Variants in EGFLAM observed in about 807,000 individuals in gnomAD.
EGFLAM encodes the protein pikachurin.
Under a neutral mutation model 113.1 loss-of-function variants are expected in EGFLAM, and 79 were observed. That is an observed-to-expected ratio of 0.70 (90% CI 0.58 to 0.84). EGFLAM has a LOEUF of 0.84. Ranked by LOEUF, EGFLAM falls within the 40% of genes least tolerant of loss-of-function variation. The pLI is 0.00. For missense variants in EGFLAM, 1,265 were observed against 1,291.6 expected (o/e 0.98, Z 0.32); for synonymous variants, 504 against 487.6 (o/e 1.03, Z -0.44).
intron 20 of EGFLAM, among the ~76,000 whole-genome samples, chr5:38,459,016 T>C (rs1464239684): frequency 6.6e-6 from 1 of 151,342 alleles, no homozygotes; most frequent in Admixed American, 6.6e-5. Context: ...CAGGCAATCC[T>C]CCCCCCTCCC....
intron 6 of EGFLAM, among the ~76,000 whole-genome samples, chr5:38,404,870 C>G (rs921517754): frequency 6.6e-5 from 10 of 152,166 alleles, no homozygotes; most frequent in Non-Finnish European, 1.5e-4. Context: ...GCTGCCACCT[C>G]CTGGTGGAGT....
intron 5 of EGFLAM, among the ~76,000 whole-genome samples, chr5:38,355,309 A>T (rs1248281118): frequency 6.6e-6 from 1 of 152,146 alleles, no homozygotes; most frequent in Non-Finnish European, 1.5e-5. Flanking sequence ...TCCTTTCAAC[A>T]TTGCTCCTGA....
chr5:38,284,471 C>G (rs1338178163), intron 1 of EGFLAM, among the ~76,000 whole-genome samples: 1 of 152,154 alleles, frequency 6.6e-6, no homozygotes, highest in Non-Finnish European at 1.5e-5. Flanking sequence ...TTCAATAAAA[C>G]TTTATTTATG....
At chr5:38,354,352 A>C (rs2111992979) in intron 5 of EGFLAM, among the ~76,000 whole-genome samples, 3 of 152,314 alleles carry the variant, frequency 2.0e-5, no homozygotes, top group Middle Eastern at 6.8e-3. Flanking sequence ...ACTTGGGGCA[A>C]AACTTAACAT....
intron 1 of EGFLAM, among the ~76,000 whole-genome samples, chr5:38,299,315 A>G (rs942212106): frequency 1.3e-5 from 2 of 152,216 alleles, no homozygotes; most frequent in Admixed American, 6.5e-5. Flanking sequence ...AAAAGTATCC[A>G]TGTATTATGT....
chr5:38,406,644 A>T (rs1579882155), intron 7 of EGFLAM, among the ~76,000 whole-genome samples, 184 bp from the exon 8 acceptor site: 1 of 152,246 alleles, frequency 6.6e-6, no homozygotes, highest in Non-Finnish European at 1.5e-5. Flanking sequence ...AAGGAAAAGC[A>T]CTATAAGTCC....
rs562041050 is a variant in EGFLAM at position 38,453,979 on chromosome 5, G to C, written c.2687+2521G>C. Among the ~76,000 whole-genome samples, 12 of 152,264 alleles carry C rather than the reference G, an allele frequency of 7.9e-5. 1 individual carries two copies. In the South Asian group the frequency reaches 2.1e-3, roughly 26 times the overall value. Reference sequence around the variant, plus strand: ...ACTTCTTGTTACCATTTCTTTCTCAGGATTCTGAAAATTGGCCCTCTGTTT... The same window carrying C: ...ACTTCTTGTTACCATTTCTTTCTCACGATTCTGAAAATTGGCCCTCTGTTT... On this transcript the variant is annotated intron_variant, in intron 19 of 21. Transcript: ENST00000322350.
chr5:38,258,687 C>A lies in EGFLAM; in HGVS notation c.-68C>A. 6.5e-7 allele frequency: 1 copy of A among 1,527,372 alleles called. No individual in the cohort carries two copies. The highest frequency in any genetic ancestry group is 8.9e-7 in the Non-Finnish European group (1 of 1,123,538). 94.6% of individuals were successfully genotyped at this position (1,527,372 alleles called of 1,614,324 possible). A position where few individuals can be genotyped will look rare whatever the true frequency, so the allele number is the denominator to read the frequency against. ...ATCCGTTGGGGCCGCGTCCCCCACG[C>A]GCCCCCGGAGACGCCCTTTCCGTGT... On this transcript the variant is annotated 5_prime_UTR_variant, in exon 1 of 22. Coordinates refer to ENST00000322350, the MANE Select transcript of EGFLAM (RefSeq NM_152403.4).
At chr5:38,448,756 A>T (rs1742808166) in intron 18 of EGFLAM, among the ~76,000 whole-genome samples, 1 of 152,210 alleles carries the variant, frequency 6.6e-6, no homozygotes, top group East Asian at 1.9e-4. Context: ...TGAGCAGGGC[A>T]GTTCCGTGCT....
Position 38,409,045 on chromosome 5 carries a change from C to T in EGFLAM, c.1290C>T (p.Asn430=), listed in dbSNP as rs16903964. ...GCTTACTGCTCTACTGTGGGGAGAA[C>T]GAACACGGGAGGGGGGATTTCATGT... The part of the protein sequence containing the change: ...EDGLLLYCGE[N]EHGRGDFMSL... Residue 430 remains asparagine (N), a synonymous_variant, in exon 10 of 22, where the codon AAC becomes AAT. Coordinates refer to ENST00000322350, the MANE Select transcript of EGFLAM (RefSeq NM_152403.4). 8.2e-3 allele frequency: 13,135 copies of T among 1,595,236 alleles called. 815 individuals are homozygous for T. The African/African-American group carries it at 0.14, about 18-fold the overall frequency.
intron 1 of EGFLAM, among the ~76,000 whole-genome samples, chr5:38,302,168 T>C (rs542580259): frequency 6.8e-6 from 1 of 146,188 alleles, no homozygotes; most frequent in East Asian, 2.0e-4. Flanking sequence ...ACTCAGGAGG[T>C]AGAGATTGCA....
intron 1 of EGFLAM, among the ~76,000 whole-genome samples, chr5:38,329,698 C>T (rs1461837304): frequency 6.6e-6 from 1 of 152,180 alleles, no homozygotes; most frequent in Non-Finnish European, 1.5e-5. Context: ...GCTCTCTCTG[C>T]CTGGGACCCT....
At chr5:38,445,482 T>C in intron 17 of EGFLAM, 1 of 1,454,510 alleles carries the variant, frequency 6.9e-7, no homozygotes, top group East Asian at 2.5e-5. Flanking sequence ...GTGCCAATCA[T>C]GCTGAGGAGA....
At chr5:38,314,594 G>GT (rs1738543260) in intron 1 of EGFLAM, among the ~76,000 whole-genome samples, 1 of 152,308 alleles carries the variant, frequency 6.6e-6, no homozygotes, top group African/African-American at 2.4e-5. Context: ...CAGGCATTGG[G>GT]TCCCCTGGAC....
In EGFLAM at chr5:38,359,392, A is replaced by G. The variant is rs567216097; in HGVS notation, c.545+7061A>G. Among the ~76,000 whole-genome samples the G allele has an allele frequency of 1.7e-4, 26 of 152,314 alleles. No individual in the cohort carries two copies. The South Asian group carries it at 5.2e-3, about 30-fold the overall frequency. ...GGCTGTTTTTAGTTAAAAGTCCACC[A>G]TTGGCCGCGCGCAGTGGCTCACGCC... On this transcript the variant is annotated intron_variant, in intron 5 of 21. Transcript: ENST00000322350.
chr5:38,284,073 T>A (rs1579724499), intron 1 of EGFLAM: 1 of 152,306 alleles, frequency 6.6e-6, no homozygotes, highest in Admixed American at 6.5e-5. Context: ...TCTGGAATGA[T>A]CTTCTCAGCC....
chr5:38,286,180 A>G (rs1372200962), intron 1 of EGFLAM: 2 of 152,206 alleles, frequency 1.3e-5, no homozygotes, highest in African/African-American at 4.8e-5. Flanking sequence ...AAACAAGAAC[A>G]CTTTTACTCC....
chr5:38,434,656 GC>G (rs759576723), intron 15 of EGFLAM, among the ~76,000 whole-genome samples: 2 of 152,216 alleles, frequency 1.3e-5, no homozygotes, highest in Non-Finnish European at 2.9e-5. Context: ...TGAGATCTGG[GC>G]TGAAGGAACA....
At chr5:38,291,967 G>A (rs906854760) in intron 1 of EGFLAM, among the ~76,000 whole-genome samples, 3 of 152,240 alleles carry the variant, frequency 2.0e-5, no homozygotes, top group East Asian at 1.9e-4. Flanking sequence ...CCCCAGCCTC[G>A]TCCATGGAGT....
Sources: allele counts gnomAD v4.1 joint callset (sites outside exome capture counted in the v4.1 genomes callset), GRCh38; gene constraint gnomAD v4.1.1; transcripts MANE v1.5; gene names NCBI Gene and HGNC (gene_info 2026-07-23, HGNC 2026-07-21).